Variants in PTPN13 observed in about 807,000 individuals in gnomAD.
PTPN13 encodes the protein protein tyrosine phosphatase non-receptor type 13.
In PTPN13, 191 loss-of-function variants were observed where a neutral mutation model predicts 284.0. The ratio of observed to expected loss-of-function variants is 0.67; its 90% CI spans 0.60 to 0.76. The LOEUF is 0.76. Ranked by LOEUF, PTPN13 falls within the 30% of genes least tolerant of loss-of-function variation. The pLI is 0.00. For missense variants in PTPN13, 2,797 were observed against 2,939.9 expected (o/e 0.95, Z 1.12); for synonymous variants, 986 against 1,022.3 (o/e 0.96, Z 0.68).
chr4:86,664,411 G>T (rs1025176938), intron 2 of PTPN13, among the ~76,000 whole-genome samples: 1 of 152,156 alleles, frequency 6.6e-6, no homozygotes, highest in African/African-American at 2.4e-5. Flanking sequence ...TTTTGTGTGT[G>T]TGTGGTCAGC....
At chr4:86,774,282 T>G in intron 32 of PTPN13, 91 bp from the exon 33 acceptor site, 2 of 1,276,680 alleles carry the variant, frequency 1.6e-6, no homozygotes, top group Non-Finnish European at 2.2e-6. Context: ...GGTTTGACTT[T>G]CTCCTCTGTT....
chr4:86,811,004 G>A (rs1236711217), intron 46 of PTPN13, 42 bp from the exon 47 acceptor site: 4 of 1,567,558 alleles, frequency 2.6e-6, no homozygotes, highest in Non-Finnish European at 3.5e-6. Flanking sequence ...TTCAAATCCA[G>A]TTATCCTTTG....
chr4:86,716,489 A>G (rs1185498304), intron 7 of PTPN13, 41 bp from the exon 8 acceptor site: 2 of 1,161,606 alleles, frequency 1.7e-6, no homozygotes, highest in Admixed American at 2.5e-5. Context: ...TGGAATAGCT[A>G]ATGAGTTTGC....
At chr4:86,636,601 C>G (rs938149719) in intron 2 of PTPN13, among the ~76,000 whole-genome samples, 7 of 151,978 alleles carry the variant, frequency 4.6e-5, no homozygotes, top group African/African-American at 1.7e-4. Context: ...GAAATGAAGG[C>G]AGAAATAAAG....
In PTPN13 at chr4:86,807,614, T is replaced by G; in HGVS notation, c.6800T>G (p.Phe2267Cys). The change falls in exon 45 of 48, where the codon TTC becomes TGC. Residue 2267 changes from phenylalanine to cysteine, a missense_variant. Coordinates refer to ENST00000411767, the MANE Select transcript of PTPN13 (RefSeq NM_080683.3). ...GDEGGYINAS[F>C]IKIPVGKEEF... ...GAAGGTGGCTATATCAATGCCAGCTTCATTAAGATACCAGTTGGGAAAGAA... is the reference window on the plus strand; with the variant it reads ...GAAGGTGGCTATATCAATGCCAGCTGCATTAAGATACCAGTTGGGAAAGAA... 6.2e-7 allele frequency: 1 copy of G among 1,613,940 alleles called. No individual in the cohort carries two copies. Among genetic ancestry groups the G allele is most frequent in the Non-Finnish European group, 8.5e-7 (1 of 1,179,864 alleles).
chr4:86,600,486 A>G (rs534270300), intron 1 of PTPN13, among the ~76,000 whole-genome samples: 8 of 127,156 alleles, frequency 6.3e-5, no homozygotes, highest in East Asian at 4.4e-4. Flanking sequence ...AGATTTGCCT[A>G]CAGAACACTG....
intron 5 of PTPN13, 26 bp from the exon 6 acceptor site, chr4:86,693,561 C>G: frequency 7.0e-7 from 1 of 1,433,582 alleles, no homozygotes; most frequent in Non-Finnish European, 9.4e-7. Flanking sequence ...TTTTGTCAAA[C>G]TTGATTTTTT....
At chr4:86,621,852 T>C (rs1721289262) in intron 1 of PTPN13, among the ~76,000 whole-genome samples, 1 of 152,152 alleles carries the variant, frequency 6.6e-6, no homozygotes, top group East Asian at 1.9e-4. Context: ...CATGTTCTTC[T>C]TTGTCTCTTC....
intron 6 of PTPN13, among the ~76,000 whole-genome samples, chr4:86,699,102 A>G (rs1353518492): frequency 2.6e-5 from 4 of 152,100 alleles, no homozygotes; most frequent in African/African-American, 9.7e-5. Context: ...AAAAGAGTAG[A>G]CATAGCCTGG....
rs959054617 is a variant in PTPN13 at position 86,735,704 on chromosome 4, T to C, written c.2262T>C (p.Tyr754=). The C allele has an allele frequency of 5.0e-6, 8 of 1,611,936 alleles. No homozygotes were observed. The African/African-American group carries it at 9.4e-5, about 19-fold the overall frequency. ...KEELPKLHNT[Y]VGASEKETEL... is the part of the protein sequence containing the mutation. Reference sequence around the variant, plus strand: ...AGTTACCCAAATTGCATAATACCTATGTGGGAGCTTCTGAAAAAGAGACAG... The same window carrying C: ...AGTTACCCAAATTGCATAATACCTACGTGGGAGCTTCTGAAAAAGAGACAG... Residue 754 remains tyrosine (Y), a synonymous_variant, in exon 15 of 48, where the codon TAT becomes TAC. Coordinates refer to ENST00000411767, the MANE Select transcript of PTPN13 (RefSeq NM_080683.3).
At chr4:86,669,758 C>T (rs1336683025) in intron 2 of PTPN13, among the ~76,000 whole-genome samples, 3 of 152,088 alleles carry the variant, frequency 2.0e-5, no homozygotes, top group African/African-American at 4.8e-5. Context: ...CAGGGCATAG[C>T]ATTTAGGCTT....
intron 38 of PTPN13, among the ~76,000 whole-genome samples, chr4:86,785,030 C>T (rs1741739162): frequency 6.6e-6 from 1 of 152,154 alleles, no homozygotes; most frequent in African/African-American, 2.4e-5. Context: ...TTTGTGTGGT[C>T]TTCCATCATA....
intron 1 of PTPN13, among the ~76,000 whole-genome samples, chr4:86,610,128 C>T (rs138477895): frequency 0.01 from 1,544 of 152,062 alleles, 20 homozygotes; most frequent in African/African-American, 0.035. Flanking sequence ...GCAGGAGAAT[C>T]GCTTGAACCC....
At chr4:86,614,650 G>A (rs892609123) in intron 1 of PTPN13, among the ~76,000 whole-genome samples, 4 of 152,104 alleles carry the variant, frequency 2.6e-5, no homozygotes, top group Admixed American at 2.6e-4. Context: ...ATAAGGTTGT[G>A]TTGTCTTGCC....
intron 1 of PTPN13, among the ~76,000 whole-genome samples, chr4:86,631,172 C>T (rs539629829): frequency 6.6e-6 from 1 of 152,212 alleles, no homozygotes; most frequent in Admixed American, 6.5e-5. Context: ...CCCAAGTTAC[C>T]TAGTACTGTG....
At chr4:86,806,199 C>A (rs1248490491) in intron 44 of PTPN13, among the ~76,000 whole-genome samples, 1 of 151,070 alleles carries the variant, frequency 6.6e-6, no homozygotes, top group Admixed American at 6.6e-5. Flanking sequence ...GTAATTTTTA[C>A]ATGTATAAAA....
At position 86,752,986 on chromosome 4, in the gene PTPN13, C is replaced by A. The variant is rs374546380; in HGVS notation, c.3167-23C>A. 1.3e-5 allele frequency: 21 copies of A among 1,567,168 alleles called. No homozygotes were observed. In the African/African-American group the frequency reaches 2.6e-4, roughly 19 times the overall value. On this transcript the variant is annotated intron_variant, in intron 19 of 47. Transcript: ENST00000411767. ...AGCATCTGACCATCTTATGAAATGTCTAATATTTAATTTATGCCACAGGAA... is the reference window on the plus strand; with the variant it reads ...AGCATCTGACCATCTTATGAAATGTATAATATTTAATTTATGCCACAGGAA...
intron 40 of PTPN13, among the ~76,000 whole-genome samples, chr4:86,791,286 A>G (rs1431873947): frequency 6.6e-6 from 1 of 151,944 alleles, no homozygotes; most frequent in East Asian, 1.9e-4. Context: ...CAGCTTGACC[A>G]GTGGGGGGCA....
intron 17 of PTPN13, among the ~76,000 whole-genome samples, chr4:86,745,990 G>A (rs571252563): frequency 1.3e-5 from 2 of 152,220 alleles, no homozygotes; most frequent in Admixed American, 1.3e-4. Flanking sequence ...GATGGGGGAA[G>A]TATGCACCCA....
Sources: allele counts gnomAD v4.1 joint callset (sites outside exome capture counted in the v4.1 genomes callset), GRCh38; gene constraint gnomAD v4.1.1; transcripts MANE v1.5; gene names NCBI Gene and HGNC (gene_info 2026-07-23, HGNC 2026-07-21).